The following STAB2 variants were observed in gnomAD, a reference collection of about 807,000 sequenced individuals.
STAB2 encodes the protein stabilin 2.
STAB2 carries 288 observed loss-of-function variants against 338.1 expected under a neutral mutation model. The ratio of observed to expected loss-of-function variants is 0.85; its 90% CI spans 0.77 to 0.94. STAB2 has a LOEUF of 0.94. Among genes scored for constraint, STAB2 ranks in the 40% least tolerant of loss-of-function variants. The pLI is 0.00. For synonymous variants in STAB2, 1,202 were observed against 1,193.3 expected (o/e 1.01, Z -0.15); for missense variants, 3,141 against 3,210.1 (o/e 0.98, Z 0.52).
chr12:103,593,176 T>C (rs114621141), intron 2 of STAB2, among the ~76,000 whole-genome samples: 330 of 152,350 alleles, frequency 2.2e-3, no homozygotes, highest in African/African-American at 7.6e-3. Flanking sequence ...TTTTTGGATA[T>C]ATAACCAGAA....
At chr12:103,670,668 G>A in intron 21 of STAB2, 28 bp from the exon 22 acceptor site, 2 of 1,573,458 alleles carry the variant, frequency 1.3e-6, no homozygotes, top group Non-Finnish European at 1.7e-6. Context: ...GTGTCCTAAT[G>A]GCCCATGGGC....
At chr12:103,628,794 T>C (rs1343205739) in intron 5 of STAB2, among the ~76,000 whole-genome samples, 1 of 152,152 alleles carries the variant, frequency 6.6e-6, no homozygotes, top group Admixed American at 6.5e-5. Flanking sequence ...TATTTCCCAA[T>C]AGGGGCATTC....
chr12:103,629,859 C>T (rs1957433745), intron 5 of STAB2, among the ~76,000 whole-genome samples: 1 of 152,300 alleles, frequency 6.6e-6, no homozygotes, highest in African/African-American at 2.4e-5. Context: ...GGGCATTAAT[C>T]TCTAGTGCAG....
intron 25 of STAB2, 38 bp downstream of exon 25, chr12:103,677,649 A>C: frequency 6.3e-7 from 1 of 1,587,960 alleles, no homozygotes; most frequent in Non-Finnish European, 8.6e-7. Context: ...GAAAGCAGGA[A>C]TCCTGCAGTG....
In STAB2 at chr12:103,746,011, G is replaced by C. The variant is rs1219657678; in HGVS notation, c.6137-586G>C. ...ATTTAATCCTCCCTGGGGTCACAGGGCATGGCGAGGCCCTACCTGTGGGCT... is the reference window on the plus strand; with the variant it reads ...ATTTAATCCTCCCTGGGGTCACAGGCCATGGCGAGGCCCTACCTGTGGGCT... On this transcript the variant is annotated intron_variant, in intron 57 of 68. Transcript: ENST00000388887. Among the ~76,000 whole-genome samples, 3 of 152,282 alleles carry C rather than the reference G, an allele frequency of 2.0e-5. No individual in the cohort carries two copies. In the East Asian group the frequency reaches 5.8e-4, roughly 29 times the overall value.
intron 3 of STAB2, among the ~76,000 whole-genome samples, chr12:103,602,107 G>A (rs1020766129): frequency 2.6e-5 from 4 of 152,172 alleles, no homozygotes; most frequent in African/African-American, 9.7e-5. Context: ...CCCAAATTCT[G>A]TGTTGTCAAG....
chr12:103,750,124 G>A (rs1883495261), intron 59 of STAB2, among the ~76,000 whole-genome samples: 1 of 152,136 alleles, frequency 6.6e-6, no homozygotes, highest in Non-Finnish European at 1.5e-5. Flanking sequence ...TTCAACCAGT[G>A]GTCATTGTGC....
At chr12:103,599,937 C>T (rs1956930198) in intron 3 of STAB2, among the ~76,000 whole-genome samples, 1 of 152,220 alleles carries the variant, frequency 6.6e-6, no homozygotes, top group African/African-American at 2.4e-5. Context: ...TTATACTCTG[C>T]CTTCAGGCTT....
chr12:103,688,168 G>C lies in STAB2; in HGVS notation c.2998G>C (p.Glu1000Gln). Residue 1000 changes from glutamate to glutamine, a missense_variant and splice_region_variant, in exon 28 of 69, where the codon GAA becomes CAA. Glu to Gln is a conservative substitution (Grantham distance 29). Coordinates refer to ENST00000388887, the MANE Select transcript of STAB2 (RefSeq NM_017564.10). Reference sequence around the variant, plus strand: ...CCCTCCCTTGCATGATATGAATAAGGAATTGTCATTTCTCTCCGAAGCAGC... The same window carrying C: ...CCCTCCCTTGCATGATATGAATAAGCAATTGTCATTTCTCTCCGAAGCAGC... ...GFLCYGNAAVELSFLSEAAIF... is the reference protein window; with the variant it reads ...GFLCYGNAAVQLSFLSEAAIF... 1 of 1,613,500 alleles carries C rather than the reference G, an allele frequency of 6.2e-7. No homozygotes were observed. The highest frequency in any genetic ancestry group is 8.5e-7 in the Non-Finnish European group (1 of 1,179,494).
chr12:103,694,057 G>A (rs1878190731), intron 31 of STAB2, among the ~76,000 whole-genome samples: 1 of 151,940 alleles, frequency 6.6e-6, no homozygotes, highest in Non-Finnish European at 1.5e-5. Flanking sequence ...TGGGCTGCAG[G>A]CGCTCCCTAA....
At chr12:103,673,299 A>AC (rs1679531971) in intron 22 of STAB2, among the ~76,000 whole-genome samples, 1 of 151,514 alleles carries the variant, frequency 6.6e-6, no homozygotes, top group Admixed American at 6.6e-5. Flanking sequence ...CCTCTTCCCC[A>AC]CACCCCACAC....
intron 25 of STAB2, among the ~76,000 whole-genome samples, chr12:103,679,296 A>T (rs1876681173): frequency 6.6e-6 from 1 of 151,800 alleles, no homozygotes; most frequent in African/African-American, 2.4e-5. Context: ...TGAACCTGGG[A>T]GGTGGAGGTT....
Position 103,631,667 on chromosome 12 carries a change from C to G in STAB2, c.557C>G (p.Ala186Gly). The G allele has an allele frequency of 6.2e-7, 1 of 1,614,150 alleles. No individual in the cohort carries two copies. The highest frequency in any genetic ancestry group is 2.2e-5 in the East Asian group (1 of 44,886). Residue 186 changes from alanine (A) to glycine (G), a missense_variant, in exon 6 of 69, where the codon GCG becomes GGG. By Grantham distance (60) the Ala-to-Gly change is moderately conservative. Coordinates refer to ENST00000388887, the MANE Select transcript of STAB2 (RefSeq NM_017564.10). ...DGDGTCECYS[A>G]YTGPKCDKPI... The stretch of plus-strand genomic sequence containing the variant: ...GATGGAACCTGTGAGTGCTACTCTG[C>G]GTACACTGGCCCCAAGTGTGACAAG...
At chr12:103,637,072 T>G in intron 6 of STAB2, 39 bp from the exon 7 acceptor site, 1 of 1,560,982 alleles carries the variant, frequency 6.4e-7, no homozygotes, top group Non-Finnish European at 8.6e-7. Flanking sequence ...GAACTGGTTA[T>G]TCTACTAATG....
At position 103,705,690 on chromosome 12, in the gene STAB2, TTA is replaced by T; in HGVS notation, c.3961_3962del (p.Ile1321TrpfsTer38). The T allele has an allele frequency of 6.2e-7, 1 of 1,614,216 alleles. No individual in the cohort carries two copies. Among genetic ancestry groups the T allele is most frequent in the East Asian group, 2.2e-5 (1 of 44,888 alleles). On this transcript the variant is annotated frameshift_variant, in exon 37 of 69. Coordinates refer to ENST00000388887, the MANE Select transcript of STAB2 (RefSeq NM_017564.10). LOFTEE classifies it high-confidence loss of function. The stretch of plus-strand genomic sequence containing the variant: ...TATTTCATGGGAAGACGAACCCTGT[TTA>T]TTGGGTGCCAGCCAAAATGTGTGAG...
chr12:103,615,928 G>A (rs1265895538), intron 3 of STAB2, among the ~76,000 whole-genome samples: 1 of 152,076 alleles, frequency 6.6e-6, no homozygotes, highest in African/African-American at 2.4e-5. Flanking sequence ...TTGACACATG[G>A]GGATTATAAT....
chr12:103,664,273 A>G (rs1565994766), intron 18 of STAB2, among the ~76,000 whole-genome samples: 1 of 152,156 alleles, frequency 6.6e-6, no homozygotes, highest in Non-Finnish European at 1.5e-5. Flanking sequence ...CCTCCCGAGT[A>G]GCTGGGACTA....
At chr12:103,763,245 T>G (rs1482549456) in intron 67 of STAB2, 2 of 488,582 alleles carry the variant, frequency 4.1e-6, no homozygotes, top group Non-Finnish European at 7.4e-6. Context: ...GAACACATCC[T>G]GGGGTATGGA....
At chr12:103,720,310 G>A (rs1480219353) in intron 44 of STAB2, among the ~76,000 whole-genome samples, 2 of 152,130 alleles carry the variant, frequency 1.3e-5, no homozygotes, top group Admixed American at 1.3e-4. Context: ...CTCTATCTCA[G>A]CAGCATATTC....
Sources: allele counts gnomAD v4.1 joint callset (sites outside exome capture counted in the v4.1 genomes callset), GRCh38; gene constraint gnomAD v4.1.1; transcripts MANE v1.5; gene names NCBI Gene and HGNC (gene_info 2026-07-23, HGNC 2026-07-21).